The following ADGRB3 variants were observed in gnomAD, a reference collection of about 807,000 sequenced individuals.
ADGRB3 encodes adhesion G protein-coupled receptor B3.
ADGRB3 carries 37 observed loss-of-function variants against 193.4 expected under a neutral mutation model. The observed-to-expected ratio is 0.19, with a 90% CI of 0.15 to 0.25. The LOEUF is 0.25. Among genes scored for constraint, ADGRB3 ranks in the 10% least tolerant of loss-of-function variants. The pLI is 1.00. For synonymous variants in ADGRB3, 690 were observed against 644.2 expected (o/e 1.07, Z -1.08); for missense variants, 1,637 against 1,852.9 (o/e 0.88, Z 2.14).
chr6:69,011,139 G>A (rs201569634), intron 11 of ADGRB3, among the ~76,000 whole-genome samples: 2 of 45,866 alleles, frequency 4.4e-5, no homozygotes, highest in African/African-American at 6.1e-5. Context: ...ATATATATGT[G>A]TGTGTGTGTG....
rs774179062 is a variant in ADGRB3 at position 68,639,067 on chromosome 6, G to A, written c.392G>A (p.Arg131His). 3.1e-6 allele frequency: 5 copies of A among 1,613,780 alleles called. No homozygotes were observed. The highest frequency in any genetic ancestry group is 1.3e-5 in the African/African-American group (1 of 74,844). ...LQYDKNFIQI[R>H]RVFPTNFPGL... is the part of the protein sequence containing the mutation. The stretch of plus-strand genomic sequence containing the variant: ...TATGATAAAAATTTTATTCAAATAC[G>A]TCGAGTATTTCCAACTAATTTCCCA... The change falls in exon 3 of 32, where the codon CGT becomes CAT. Residue 131 changes from arginine (R) to histidine (H), a missense_variant. Coordinates refer to ENST00000370598, the MANE Select transcript of ADGRB3 (RefSeq NM_001704.3).
chr6:69,128,254 A>G (rs1445249101), intron 17 of ADGRB3, among the ~76,000 whole-genome samples: 3 of 152,100 alleles, frequency 2.0e-5, no homozygotes, highest in African/African-American at 7.2e-5. Context: ...CCTTTATTTG[A>G]AAGTCAAGTG....
chr6:68,913,727 A>G (rs966869578), intron 3 of ADGRB3, among the ~76,000 whole-genome samples: 38 of 152,250 alleles, frequency 2.5e-4, no homozygotes, highest in Admixed American at 2.4e-3. Flanking sequence ...AGAAGGCTTC[A>G]GACGATCAAA....
chr6:68,726,901 A>C (rs1023986727), intron 3 of ADGRB3, among the ~76,000 whole-genome samples: 4 of 151,434 alleles, frequency 2.6e-5, no homozygotes, highest in Non-Finnish European at 4.4e-5. Flanking sequence ...GATGCTGCAC[A>C]CTCTGGGGGC....
intron 26 of ADGRB3, among the ~76,000 whole-genome samples, chr6:69,350,848 A>G (rs1355726673): frequency 6.6e-6 from 1 of 151,938 alleles, no homozygotes; most frequent in South Asian, 2.1e-4. Flanking sequence ...ATTATTCTTC[A>G]TCAGCACAAT....
At chr6:69,333,981 T>G (rs779931144) in intron 24 of ADGRB3, among the ~76,000 whole-genome samples, 1 of 86,932 alleles carries the variant, frequency 1.2e-5, no homozygotes, top group Non-Finnish European at 2.4e-5. Context: ...TAAAATAAAA[T>G]AAAATAAAAT....
intron 3 of ADGRB3, among the ~76,000 whole-genome samples, chr6:68,652,111 A>T (rs765327458): frequency 2.4e-4 from 36 of 151,990 alleles, no homozygotes; most frequent in Non-Finnish European, 4.7e-4. Flanking sequence ...CCCACCCCTT[A>T]TGCAAGTCTT....
intron 3 of ADGRB3, among the ~76,000 whole-genome samples, chr6:68,871,804 G>A (rs1441152396): frequency 2.0e-5 from 3 of 151,970 alleles, no homozygotes; most frequent in African/African-American, 7.2e-5. Context: ...ACATTAATGA[G>A]GGTAATAATT....
chr6:69,066,156 T>G (rs1771898699), intron 16 of ADGRB3, among the ~76,000 whole-genome samples: 1 of 151,226 alleles, frequency 6.6e-6, no homozygotes, highest in Non-Finnish European at 1.5e-5. Context: ...CCTCCAACCT[T>G]CACACATATA....
intron 24 of ADGRB3, among the ~76,000 whole-genome samples, chr6:69,337,909 C>A (rs1768886954): frequency 1.3e-5 from 2 of 152,166 alleles, no homozygotes; most frequent in Non-Finnish European, 2.9e-5. Flanking sequence ...AGAAAACCTA[C>A]AGAGTAATCA....
intron 20 of ADGRB3, among the ~76,000 whole-genome samples, chr6:69,239,447 G>T (rs916950816): frequency 1.3e-5 from 2 of 152,004 alleles, no homozygotes; most frequent in African/African-American, 4.8e-5. Flanking sequence ...TTGTTCATAA[G>T]AGTAAAAATG....
intron 19 of ADGRB3, among the ~76,000 whole-genome samples, chr6:69,236,562 A>C (rs1219203726): frequency 6.6e-6 from 1 of 152,020 alleles, no homozygotes; most frequent in Non-Finnish European, 1.5e-5. Context: ...GTTGTTCAAA[A>C]ATTAGGCAGC....
chr6:68,887,481 G>C (rs1303609246), intron 3 of ADGRB3, among the ~76,000 whole-genome samples: 1 of 152,042 alleles, frequency 6.6e-6, no homozygotes, highest in African/African-American at 2.4e-5. Context: ...AATTTCTTAA[G>C]TACTATTTTC....
In ADGRB3 at chr6:69,018,517, C is replaced by A. The variant is rs753888258; in HGVS notation, c.2107+18C>A. 15 of 1,534,006 alleles carry A rather than the reference C, an allele frequency of 9.8e-6. 1 individual carries two copies. The South Asian group carries it at 1.7e-4, about 17-fold the overall frequency. On this transcript the variant is annotated intron_variant, in intron 13 of 31. Coordinates refer to ENST00000370598, the MANE Select transcript of ADGRB3 (RefSeq NM_001704.3). ...AAATGTAGGTAAGAAATAGGATTTT[C>A]CCCCAAAATCTTTCTGAAATAAAAA...
chr6:69,146,744 A>G (rs1774507586), intron 17 of ADGRB3, among the ~76,000 whole-genome samples: 1 of 151,398 alleles, frequency 6.6e-6, no homozygotes, highest in African/African-American at 2.4e-5. Context: ...GTTTGCTAGA[A>G]TTCAGTAGTG....
intron 3 of ADGRB3, among the ~76,000 whole-genome samples, chr6:68,725,643 A>G (rs1765659379): frequency 1.3e-5 from 2 of 151,606 alleles, no homozygotes; most frequent in South Asian, 2.1e-4. Context: ...AGCAGGTGGT[A>G]TTTAGTTGCC....
intron 20 of ADGRB3, among the ~76,000 whole-genome samples, chr6:69,257,650 A>G (rs1412610567): frequency 1.3e-5 from 2 of 152,196 alleles, no homozygotes; most frequent in African/African-American, 4.8e-5. Context: ...AATACGTTAC[A>G]TGGATGGGGA....
intron 13 of ADGRB3, among the ~76,000 whole-genome samples, chr6:69,045,325 CCTAT>C (rs1281096840): frequency 1.3e-5 from 2 of 152,086 alleles, no homozygotes; most frequent in African/African-American, 4.8e-5. Flanking sequence ...TAGACATCTG[CCTAT>C]CTAGCGTAGA....
At chr6:69,141,339 T>G (rs1004976185) in intron 17 of ADGRB3, among the ~76,000 whole-genome samples, 13 of 152,030 alleles carry the variant, frequency 8.6e-5, no homozygotes, top group African/African-American at 2.9e-4. Flanking sequence ...TAGCCAGGAT[T>G]GTCTCGATCT....
Sources: gnomAD v4.1 joint callset for allele counts (sites outside exome capture counted in the v4.1 genomes callset) on GRCh38, gnomAD v4.1.1 for gene constraint, MANE v1.5 for transcripts, NCBI Gene and HGNC (gene_info 2026-07-23, HGNC 2026-07-21) for gene names.